The following NKAIN2 variants were observed in gnomAD, a reference collection of about 807,000 sequenced individuals.
The protein encoded by NKAIN2 is sodium/potassium transporting ATPase interacting 2.
NKAIN2 carries 14 observed loss-of-function variants against 32.6 expected under a neutral mutation model. The ratio of observed to expected loss-of-function variants is 0.43; its 90% CI spans 0.28 to 0.67. The LOEUF is 0.67. Ranked by LOEUF, NKAIN2 falls within the 30% of genes least tolerant of loss-of-function variation. The pLI is 0.17. For missense variants in NKAIN2, 198 were observed against 258.3 expected, an observed-to-expected ratio of 0.77 and a Z score of 1.60; for synonymous variants, 80 against 87.2, an observed-to-expected ratio of 0.92 and a Z score of 0.46.
chr6:123,987,298 G>A (rs1290969072), intron 1 of NKAIN2, among the ~76,000 whole-genome samples: 2 of 152,076 alleles, frequency 1.3e-5, no homozygotes, highest in Non-Finnish European at 2.9e-5. Context: ...AAAAATGTTA[G>A]ATAGAAAAAG....
intron 3 of NKAIN2, among the ~76,000 whole-genome samples, chr6:124,495,832 A>T (rs775274571): frequency 1.3e-5 from 2 of 152,112 alleles, no homozygotes; most frequent in Non-Finnish European, 1.5e-5. Flanking sequence ...GAGCCAACCC[A>T]TAGATGACTT....
chr6:124,360,852 AG>A (rs1266693368), intron 3 of NKAIN2, among the ~76,000 whole-genome samples: 17 of 152,198 alleles, frequency 1.1e-4, no homozygotes, highest in Non-Finnish European at 2.9e-5. Flanking sequence ...AAGGAAACTG[AG>A]AAAAAATTAG....
At chr6:124,229,501 C>CAGATAGAT (rs371937856) in intron 1 of NKAIN2, among the ~76,000 whole-genome samples, 48,158 of 142,298 alleles carry the variant, frequency 0.34, 9,077 homozygotes, top group East Asian at 0.43. Flanking sequence ...GATAGATAGA[C>CAGATAGAT]AGATAGATAG....
At chr6:123,907,191 A>G (rs751902409) in intron 1 of NKAIN2, among the ~76,000 whole-genome samples, 75 of 152,336 alleles carry the variant, frequency 4.9e-4, no homozygotes, top group Non-Finnish European at 1.0e-3. Context: ...GCCTGAATAC[A>G]AAATTCATAG....
intron 2 of NKAIN2, among the ~76,000 whole-genome samples, chr6:124,352,955 T>C (rs1379936743): frequency 6.6e-6 from 1 of 152,164 alleles, no homozygotes; most frequent in Non-Finnish European, 1.5e-5. Flanking sequence ...CATTAAGCAG[T>C]TAGATGAAAC....
chr6:123,870,825 A>G (rs1056015616), intron 1 of NKAIN2, among the ~76,000 whole-genome samples: 2 of 152,102 alleles, frequency 1.3e-5, no homozygotes, highest in Non-Finnish European at 2.9e-5. Context: ...TAGATAGGAG[A>G]AAAATTGCTC....
At chr6:124,098,932 T>C (rs979448676) in intron 1 of NKAIN2, among the ~76,000 whole-genome samples, 2 of 152,040 alleles carry the variant, frequency 1.3e-5, no homozygotes, top group Non-Finnish European at 2.9e-5. Context: ...TTGAGCATTA[T>C]ATTTAAAAAA....
intron 1 of NKAIN2, among the ~76,000 whole-genome samples, chr6:124,243,608 G>T (rs1436800436): frequency 1.3e-5 from 2 of 152,068 alleles, no homozygotes; most frequent in South Asian, 4.1e-4. Flanking sequence ...AAATCACCAA[G>T]ATTGTTGGTA....
chr6:124,146,913 G>A (rs548268531), intron 1 of NKAIN2, among the ~76,000 whole-genome samples: 2 of 152,272 alleles, frequency 1.3e-5, no homozygotes, highest in African/African-American at 4.8e-5. Flanking sequence ...AATGCTATTG[G>A]GGAGGAGGCG....
intron 3 of NKAIN2, among the ~76,000 whole-genome samples, chr6:124,500,019 G>T (rs902844843): frequency 6.6e-6 from 1 of 152,106 alleles, no homozygotes; most frequent in Non-Finnish European, 1.5e-5. Context: ...CCAATCTATT[G>T]CTATTACTAT....
Position 124,237,627 on chromosome 6 carries a change from C to T in NKAIN2, c.55-45378C>T, listed in dbSNP as rs1251880013. Among the ~76,000 whole-genome samples, 5 of 152,022 alleles carry T rather than the reference C, an allele frequency of 3.3e-5. No individual in the cohort carries two copies. The East Asian group carries it at 5.8e-4, about 18-fold the overall frequency. ...GTGTATGTATTTTAAGAACAGCTTT[C>T]CAGTGAAGTATAGCATTCACAAGGT... On this transcript the variant is annotated intron_variant, in intron 1 of 6. Transcript: ENST00000368417.
chr6:123,982,927 C>T (rs1778963348), intron 1 of NKAIN2, among the ~76,000 whole-genome samples: 1 of 152,066 alleles, frequency 6.6e-6, no homozygotes. Flanking sequence ...CCATTTTCCC[C>T]TTCTCTCTCC....
chr6:124,264,746 G>A (rs1170957592), intron 1 of NKAIN2, among the ~76,000 whole-genome samples: 5 of 152,230 alleles, frequency 3.3e-5, no homozygotes, highest in Non-Finnish European at 4.4e-5. Flanking sequence ...CTTGAGTAGG[G>A]CAGCATCTAA....
chr6:124,437,718 G>A (rs1197478576), intron 3 of NKAIN2, among the ~76,000 whole-genome samples: 2 of 152,120 alleles, frequency 1.3e-5, no homozygotes, highest in African/African-American at 2.4e-5. Context: ...GTGCTATGAG[G>A]TAAGGCATGT....
intron 5 of NKAIN2, among the ~76,000 whole-genome samples, chr6:124,811,067 T>C (rs1780884473): frequency 6.6e-6 from 1 of 152,184 alleles, no homozygotes; most frequent in African/African-American, 2.4e-5. Context: ...TGGTTGGGTA[T>C]GTTTTACGTT....
At chr6:124,764,200 A>C (rs1778405146) in intron 4 of NKAIN2, among the ~76,000 whole-genome samples, 1 of 152,128 alleles carries the variant, frequency 6.6e-6, no homozygotes, top group Non-Finnish European at 1.5e-5. Context: ...CTAACTTCTA[A>C]CTGAAATAAA....
intron 1 of NKAIN2, among the ~76,000 whole-genome samples, chr6:123,884,216 G>A (rs1358995602): frequency 6.6e-6 from 1 of 151,896 alleles, no homozygotes; most frequent in Non-Finnish European, 1.5e-5. Context: ...ATGGTACTTG[G>A]TTTTCTGTTC....
chr6:124,406,013 G>GGTGTGTGTGTGTGTGTGTGT (rs59361002), intron 3 of NKAIN2, among the ~76,000 whole-genome samples: 6,202 of 148,448 alleles, frequency 0.042, 288 homozygotes, highest in African/African-American at 0.12. Flanking sequence ...TTACCACCAC[G>GGTGTGTGTGTGTGTGTGTGT]GTGTGTGTGT....
chr6:124,156,120 T>C (rs1313788271), intron 1 of NKAIN2, among the ~76,000 whole-genome samples: 1 of 151,998 alleles, frequency 6.6e-6, no homozygotes, highest in Non-Finnish European at 1.5e-5. Context: ...GACTTCTAAT[T>C]GGGAGAAATG....
Sources: allele counts gnomAD v4.1 joint callset (sites outside exome capture counted in the v4.1 genomes callset), GRCh38; gene constraint gnomAD v4.1.1; transcripts MANE v1.5; gene names NCBI Gene and HGNC (gene_info 2026-07-23, HGNC 2026-07-21).